ABLIM1: variants seen among roughly 807,000 people sequenced by gnomAD.
ABLIM1 encodes the protein actin binding LIM protein 1, also known as actin-binding LIM protein 1.
In ABLIM1, 40 loss-of-function variants were observed where a neutral mutation model predicts 107.0. The ratio of observed to expected loss-of-function variants is 0.37; its 90% confidence interval spans 0.29 to 0.49. ABLIM1 has a LOEUF of 0.49. Ranked by LOEUF, ABLIM1 falls within the 20% of genes least tolerant of loss-of-function variation. The pLI, the probability that ABLIM1 is intolerant of heterozygous loss-of-function variation, is 0.97. For missense variants in ABLIM1, 857 were observed against 1,008.5 expected (o/e 0.85, Z 2.04); for synonymous variants, 357 against 357.3 (o/e 1.00, Z 0.01).
intron 1 of ABLIM1, among the ~76,000 whole-genome samples, chr10:114,744,524 G>C (rs1349165675): frequency 6.6e-6 from 1 of 152,086 alleles, no homozygotes; most frequent in Non-Finnish European, 1.5e-5. Context: ...CATGCGCCTG[G>C]TGTCCCAGGG....
At chr10:114,485,264 G>A in intron 8 of ABLIM1, 1 of 1,552,040 alleles carries the variant, frequency 6.4e-7, no homozygotes, top group Non-Finnish European at 8.8e-7. Context: ...CCAGGACAGT[G>A]GCTTCGAGCC....
rs7068813 is a variant in ABLIM1, at chr10:114,756,024, T to A, written c.-213+12037A>T. On this transcript the variant is annotated intron_variant, in intron 1 of 15. Transcript: ENST00000651092. ...TACTTAATTATTTAATCCATAGGATTAAATCCATTTATTAAATACTTAATT... is the reference window on the plus strand; with the variant it reads ...TACTTAATTATTTAATCCATAGGATAAAATCCATTTATTAAATACTTAATT... Among the ~76,000 whole-genome samples, 680 of 152,280 alleles carry A rather than the reference T, an allele frequency of 4.5e-3. 4 individuals are homozygous for A. Among genetic ancestry groups the A allele is most frequent in the African/African-American group, 0.016 (651 of 41,572 alleles).
At position 114,625,445 on chromosome 10, in the gene ABLIM1, T is replaced by A. The variant is rs1436078051; in HGVS notation, c.245-23484A>T. On this transcript the variant is annotated intron_variant, in intron 1 of 22. Transcript: ENST00000533213. ...AGCAACACTTCACAGCTCCTAAGGT[T>A]GTTTTACAAGACTGCATATGAAGTC... Among the ~76,000 whole-genome samples the A allele has an allele frequency of 5.9e-5, 9 of 152,278 alleles. No homozygotes were observed. In the East Asian group the frequency reaches 7.7e-4, roughly 13 times the overall value.
At chr10:114,664,697 C>G (rs571919300) in intron 1 of ABLIM1, among the ~76,000 whole-genome samples, 2 of 151,552 alleles carry the variant, frequency 1.3e-5, no homozygotes, top group South Asian at 2.1e-4. Flanking sequence ...GTGTATGCCA[C>G]CATGCTTGGC....
At chr10:114,547,550 AG>A in intron 5 of ABLIM1, 99 bp downstream of exon 5, 1 of 1,470,850 alleles carries the variant, frequency 6.8e-7, no homozygotes, top group East Asian at 2.3e-5. Context: ...GAACAATTTC[AG>A]CACCATTGAT....
chr10:114,508,307 C>A (rs1565693047), intron 6 of ABLIM1, among the ~76,000 whole-genome samples: 1 of 152,196 alleles, frequency 6.6e-6, no homozygotes, highest in Non-Finnish European at 1.5e-5. Context: ...GGGTTAATAT[C>A]TCCATTTCTC....
At chr10:114,541,625 G>C (rs757007696) in intron 6 of ABLIM1, among the ~76,000 whole-genome samples, 36 of 152,188 alleles carry the variant, frequency 2.4e-4, no homozygotes, top group Non-Finnish European at 4.7e-4. Context: ...CTGCTGGGTG[G>C]AGGCTGAACA....
intron 6 of ABLIM1, among the ~76,000 whole-genome samples, chr10:114,492,125 C>T (rs1025778202): frequency 2.6e-5 from 4 of 151,952 alleles, no homozygotes; most frequent in Non-Finnish European, 5.9e-5. Flanking sequence ...GTGTTTCTGG[C>T]TTCTATGTCT....
At chr10:114,722,698 C>T (rs2081875603) in intron 1 of ABLIM1, among the ~76,000 whole-genome samples, 1 of 152,266 alleles carries the variant, frequency 6.6e-6, no homozygotes, top group Non-Finnish European at 1.5e-5. Flanking sequence ...AGGAATCCCA[C>T]TGGTGCCCAA....
intron 6 of ABLIM1, among the ~76,000 whole-genome samples, chr10:114,523,692 G>A (rs1421727935): frequency 6.6e-6 from 1 of 152,164 alleles, no homozygotes; most frequent in Non-Finnish European, 1.5e-5. Context: ...GACTGGATTT[G>A]TCCTCTTTAA....
At chr10:114,607,464 C>T (rs188407041) in intron 1 of ABLIM1, among the ~76,000 whole-genome samples, 152 of 152,276 alleles carry the variant, frequency 1.0e-3, no homozygotes, top group African/African-American at 3.5e-3. Context: ...TGATCTCCTC[C>T]CAAAGAGCAC....
intron 4 of ABLIM1, among the ~76,000 whole-genome samples, chr10:114,556,718 A>T (rs1405172401): frequency 6.6e-6 from 1 of 152,156 alleles, no homozygotes; most frequent in Non-Finnish European, 1.5e-5. Context: ...TTGAATGTTG[A>T]CCTTCATCTT....
chr10:114,484,036 T>C (rs1181834723), intron 8 of ABLIM1, among the ~76,000 whole-genome samples: 1 of 152,162 alleles, frequency 6.6e-6, no homozygotes, highest in East Asian at 1.9e-4. Flanking sequence ...TTCCTTACAC[T>C]CCATCAGTGG....
chr10:114,649,594 G>A (rs1415529100), intron 1 of ABLIM1, among the ~76,000 whole-genome samples: 2 of 151,998 alleles, frequency 1.3e-5, no homozygotes, highest in African/African-American at 4.8e-5. Context: ...TTCTGGGTGT[G>A]CTGCTTTCTG....
intron 1 of ABLIM1, chr10:114,767,992 C>G (rs990151726): frequency 7.7e-5 from 32 of 414,176 alleles, no homozygotes; most frequent in Non-Finnish European, 1.3e-4. Context: ...CTGTCGCAGC[C>G]CCCCCGCCCT....
intron 8 of ABLIM1, among the ~76,000 whole-genome samples, chr10:114,475,870 GT>G (rs1404057433): frequency 1.3e-5 from 2 of 152,148 alleles, no homozygotes; most frequent in Non-Finnish European, 2.9e-5. Context: ...CCTCCCCTCT[GT>G]TGCAGCCATT....
At chr10:114,563,406 T>C (rs2138407233) in intron 4 of ABLIM1, among the ~76,000 whole-genome samples, 1 of 152,320 alleles carries the variant, frequency 6.6e-6, no homozygotes, top group South Asian at 2.1e-4. Context: ...CAGAGTTGTC[T>C]GTCCGTGAGT....
intron 1 of ABLIM1, among the ~76,000 whole-genome samples, chr10:114,649,168 C>A (rs1365257482): frequency 6.6e-6 from 1 of 151,898 alleles, no homozygotes; most frequent in Non-Finnish European, 1.5e-5. Context: ...GAGGCCGAGG[C>A]GGGCAGGTCA....
intron 1 of ABLIM1, among the ~76,000 whole-genome samples, chr10:114,746,575 G>A (rs562948108): frequency 1.8e-4 from 28 of 152,142 alleles, no homozygotes; most frequent in African/African-American, 2.9e-4. Context: ...TTGACATAGC[G>A]ATTTCAAATC....
Sources: allele counts gnomAD v4.1 joint callset (sites outside exome capture counted in the v4.1 genomes callset), GRCh38; gene constraint gnomAD v4.1.1; transcripts MANE v1.5; gene names NCBI Gene and HGNC (gene_info 2026-07-23, HGNC 2026-07-21).